The following CYSLTR2 variants were observed in gnomAD, a reference collection of about 807,000 sequenced individuals.
CYSLTR2 encodes G-protein coupled receptor GPCR21.
For missense variants in CYSLTR2, 398 were observed against 411.9 expected, an observed-to-expected ratio of 0.97 and a Z score of 0.29; for synonymous variants, 179 against 160.8, an observed-to-expected ratio of 1.11 and a Z score of -0.86.
Position 48,698,217 on chromosome 13 carries a change from T to A in CYSLTR2, c.-2+1591T>A, listed in dbSNP as rs188462278. Reference sequence around the variant, plus strand: ...GAAGAGCAACTCCAAGACACATAATTGTCAGATTCACCAAAGTTGAAATGA... The same window carrying A: ...GAAGAGCAACTCCAAGACACATAATAGTCAGATTCACCAAAGTTGAAATGA... On this transcript the variant is annotated intron_variant, in intron 4 of 4. Coordinates refer to ENST00000682523, the MANE Select transcript of CYSLTR2 (RefSeq NM_001308476.3). Among the ~76,000 whole-genome samples the A allele has an allele frequency of 2.3e-3, 353 of 152,140 alleles. 2 individuals are homozygous for A. Among genetic ancestry groups the A allele is most frequent in the African/African-American group, 7.3e-3 (304 of 41,516 alleles).
At chr13:48,660,832 A>G (rs1953109566) in intron 1 of CYSLTR2, among the ~76,000 whole-genome samples, 2 of 152,280 alleles carry the variant, frequency 1.3e-5, no homozygotes, top group African/African-American at 4.8e-5. Flanking sequence ...TCTCAGTGAT[A>G]CTTCCCTGTT....
chr13:48,675,494 C>G (rs760629710), intron 1 of CYSLTR2, among the ~76,000 whole-genome samples: 2 of 152,196 alleles, frequency 1.3e-5, no homozygotes, highest in Non-Finnish European at 2.9e-5. Context: ...CCTCCCCCAT[C>G]AAGCTCACAC....
chr13:48,657,693 C>T (rs1953032041), intron 1 of CYSLTR2, among the ~76,000 whole-genome samples: 1 of 151,598 alleles, frequency 6.6e-6, no homozygotes, highest in Non-Finnish European at 1.5e-5. Context: ...CCACGTAAGT[C>T]TCCTGCCATG....
intron 4 of CYSLTR2, among the ~76,000 whole-genome samples, chr13:48,704,516 CT>C (rs750792364): frequency 0.022 from 3,198 of 143,272 alleles, 86 homozygotes; most frequent in African/African-American, 0.067. Context: ...CTTTTGCTTG[CT>C]TTTTTTTTTT....
At chr13:48,701,165 G>A (rs879247725) in intron 4 of CYSLTR2, among the ~76,000 whole-genome samples, 2 of 152,130 alleles carry the variant, frequency 1.3e-5, no homozygotes, top group Non-Finnish European at 2.9e-5. Context: ...AAAAGAGCCC[G>A]CATTGCCAAG....
At chr13:48,682,251 T>C (rs1953775797) in intron 1 of CYSLTR2, among the ~76,000 whole-genome samples, 1 of 152,134 alleles carries the variant, frequency 6.6e-6, no homozygotes, top group South Asian at 2.1e-4. Flanking sequence ...TCCATTGGAG[T>C]ACCTTCTGAT....
At chr13:48,703,969 G>A (rs1448103666) in intron 4 of CYSLTR2, among the ~76,000 whole-genome samples, 1 of 152,074 alleles carries the variant, frequency 6.6e-6, no homozygotes. Context: ...CATTTTATGA[G>A]GAATTAGTCT....
intron 1 of CYSLTR2, among the ~76,000 whole-genome samples, chr13:48,690,261 T>C (rs1262004345): frequency 6.6e-6 from 1 of 152,188 alleles, no homozygotes; most frequent in Non-Finnish European, 1.5e-5. Context: ...TCTTGCCTGA[T>C]TGTCCTGGCC....
chr13:48,699,267 T>C (rs1376840248), intron 4 of CYSLTR2, among the ~76,000 whole-genome samples: 1 of 152,218 alleles, frequency 6.6e-6, no homozygotes, highest in Non-Finnish European at 1.5e-5. Flanking sequence ...ACCACATAGT[T>C]GGAAGTAAAG....
At chr13:48,699,584 C>T (rs1278757430) in intron 4 of CYSLTR2, among the ~76,000 whole-genome samples, 2 of 152,150 alleles carry the variant, frequency 1.3e-5, no homozygotes, top group African/African-American at 4.8e-5. Flanking sequence ...CTAAAATTTA[C>T]ACCCTAACAT....
chr13:48,693,925 G>A (rs1357999905), intron 3 of CYSLTR2, among the ~76,000 whole-genome samples: 1 of 152,200 alleles, frequency 6.6e-6, no homozygotes, highest in Non-Finnish European at 1.5e-5. Context: ...TCCTCAAGGT[G>A]GCCATTGCAA....
intron 3 of CYSLTR2, chr13:48,694,583 T>G (rs1261502264): frequency 1.3e-5 from 2 of 152,220 alleles, no homozygotes; most frequent in African/African-American, 4.8e-5. Context: ...CCCACATGTA[T>G]GCATCATTAC....
intron 1 of CYSLTR2, among the ~76,000 whole-genome samples, chr13:48,667,542 A>T (rs1180141934): frequency 6.6e-6 from 1 of 152,186 alleles, no homozygotes; most frequent in Non-Finnish European, 1.5e-5. Flanking sequence ...GCCTGGGGAC[A>T]TGCCTTCCAG....
intron 1 of CYSLTR2, among the ~76,000 whole-genome samples, chr13:48,678,751 T>TC (rs1487614847): frequency 3.3e-5 from 5 of 152,162 alleles, no homozygotes; most frequent in Admixed American, 1.3e-4. Context: ...ACCACTTCCT[T>TC]CCCCTAATAC....
At chr13:48,678,321 T>G (rs1185191781) in intron 1 of CYSLTR2, among the ~76,000 whole-genome samples, 2 of 152,140 alleles carry the variant, frequency 1.3e-5, no homozygotes, top group East Asian at 1.9e-4. Context: ...CTGTTACTTT[T>G]TATTCCCATT....
intron 1 of CYSLTR2, among the ~76,000 whole-genome samples, chr13:48,677,560 C>T (rs1431717441): frequency 1.3e-5 from 2 of 151,998 alleles, no homozygotes; most frequent in Non-Finnish European, 2.9e-5. Flanking sequence ...TACTATGGCT[C>T]AAGTGTATGA....
chr13:48,696,402 CA>C (rs1165446744), intron 3 of CYSLTR2, 123 bp from the exon 4 acceptor site: 1 of 152,178 alleles, frequency 6.6e-6, no homozygotes, highest in Non-Finnish European at 1.5e-5. Flanking sequence ...ATCATCTTGA[CA>C]AGCTCCAATT....
chr13:48,688,833 A>G (rs117272493), intron 1 of CYSLTR2, among the ~76,000 whole-genome samples: 1,760 of 152,332 alleles, frequency 0.012, 15 homozygotes, highest in Non-Finnish European at 0.016. Flanking sequence ...GAATCGCCGC[A>G]CTGCCTTCCA....
At chr13:48,687,155 C>A (rs757506076) in intron 1 of CYSLTR2, among the ~76,000 whole-genome samples, 1 of 152,114 alleles carries the variant, frequency 6.6e-6, no homozygotes, top group Admixed American at 6.5e-5. Flanking sequence ...CACCAGTGGG[C>A]CCCCGGGTTC....
Sources: allele counts gnomAD v4.1 joint callset (sites outside exome capture counted in the v4.1 genomes callset), GRCh38; gene constraint gnomAD v4.1.1; transcripts MANE v1.5; gene names NCBI Gene and HGNC (gene_info 2026-07-23, HGNC 2026-07-21).